Variants in ZFAT observed in about 807,000 individuals in gnomAD.
ZFAT encodes zinc finger protein ZFAT.
A neutral mutation model predicts 117.7 loss-of-function variants in ZFAT; 64 were observed. The ratio of observed to expected loss-of-function variants is 0.54; its 90% CI spans 0.44 to 0.67. The LOEUF (loss-of-function observed/expected upper bound fraction) is 0.67, where lower values mean the gene tolerates loss of function less well. Among genes scored for constraint, ZFAT ranks in the 30% least tolerant of loss-of-function variants. ZFAT has a pLI of 0.00. For synonymous variants in ZFAT, 679 were observed against 615.0 expected (o/e 1.10, Z -1.54); for missense variants, 1,433 against 1,584.5 (o/e 0.90, Z 1.62).
chr8:134,544,421 GA>G (rs1475851111), intron 11 of ZFAT, among the ~76,000 whole-genome samples: 3 of 147,648 alleles, frequency 2.0e-5, no homozygotes, highest in Non-Finnish European at 4.5e-5. Flanking sequence ...AACAACAAAA[GA>G]AAAAAACTAA....
At chr8:134,651,214 T>C (rs578007209) in intron 2 of ZFAT, among the ~76,000 whole-genome samples, 1 of 152,246 alleles carries the variant, frequency 6.6e-6, no homozygotes, top group Admixed American at 6.5e-5. Flanking sequence ...CAAATATTCA[T>C]GTGAAAACTT....
At chr8:134,517,510 A>T (rs1359215645) in intron 13 of ZFAT, among the ~76,000 whole-genome samples, 5 of 152,130 alleles carry the variant, frequency 3.3e-5, no homozygotes, top group Admixed American at 1.3e-4. Context: ...GAGACCCTTT[A>T]CCCAGCCTCC....
rs1554643710 is a variant in ZFAT at position 134,550,325 on chromosome 8, A to AAAAAAAACAAC, written c.2976+15007_2976+15008insGTTGTTTTTTT. ...GGTCACAACGGAAAAAAAAAAAAAA[A>AAAAAAAACAAC]AAAAAAACAGCACAGGGTAAAGATC... is the stretch of plus-strand genomic sequence containing the variant. On this transcript the variant is annotated intron_variant, in intron 11 of 15. Coordinates refer to ENST00000377838, the MANE Select transcript of ZFAT (RefSeq NM_020863.4). Among the ~76,000 whole-genome samples the AAAAAAAACAAC allele has an allele frequency of 6.8e-3, 1,022 of 150,536 alleles. 15 individuals carry two copies. Among genetic ancestry groups the AAAAAAAACAAC allele is most frequent in the African/African-American group, 0.024 (987 of 40,404 alleles).
At chr8:134,821,413 A>G in the ZFAT span, among the ~76,000 whole-genome samples, 1 of 152,196 alleles carries the variant, frequency 6.6e-6, no homozygotes, top group East Asian at 1.9e-4. Context: ...GTATTCAGCA[A>G]TGGTCAGACC....
intron 2 of ZFAT, among the ~76,000 whole-genome samples, chr8:134,641,044 C>T (rs901156935): frequency 3.3e-5 from 5 of 152,166 alleles, no homozygotes; most frequent in Non-Finnish European, 5.9e-5. Context: ...AGCAACCTCA[C>T]CACCCAGATG....
At chr8:134,750,524 T>C in the ZFAT span, among the ~76,000 whole-genome samples, 2 of 152,168 alleles carry the variant, frequency 1.3e-5, no homozygotes, top group Non-Finnish European at 2.9e-5. Context: ...CAAATTGAAA[T>C]ATTTTTTTTA....
intron 10 of ZFAT, among the ~76,000 whole-genome samples, chr8:134,576,799 C>T (rs1184853040): frequency 6.6e-6 from 1 of 152,194 alleles, no homozygotes; most frequent in African/African-American, 2.4e-5. Context: ...AACCTAATTT[C>T]CATACTCAAC....
chr8:134,672,589 T>C (rs1033860863), intron 1 of ZFAT, among the ~76,000 whole-genome samples: 1 of 151,878 alleles, frequency 6.6e-6, no homozygotes, highest in Non-Finnish European at 1.5e-5. Flanking sequence ...CCAAGACACA[T>C]CATAATCAAA....
At chr8:134,642,339 A>T (rs1013355839) in intron 2 of ZFAT, among the ~76,000 whole-genome samples, 3 of 152,208 alleles carry the variant, frequency 2.0e-5, no homozygotes, top group Admixed American at 6.5e-5. Flanking sequence ...CCTGGGTTCA[A>T]ATCTCCCCTG....
intron 15 of ZFAT, among the ~76,000 whole-genome samples, chr8:134,481,160 G>T (rs1817277442): frequency 6.6e-6 from 1 of 152,152 alleles, no homozygotes; most frequent in South Asian, 2.1e-4. Context: ...CATGAACCAG[G>T]ATTTTAGAAG....
intron 12 of ZFAT, among the ~76,000 whole-genome samples, chr8:134,530,603 T>A (rs1348499076): frequency 6.6e-6 from 1 of 152,190 alleles, no homozygotes; most frequent in Non-Finnish European, 1.5e-5. Context: ...AACATGTCCC[T>A]TGAAGGGAAT....
chr8:134,632,848 A>G (rs190633056), intron 3 of ZFAT, among the ~76,000 whole-genome samples: 3 of 152,274 alleles, frequency 2.0e-5, no homozygotes, highest in Non-Finnish European at 4.4e-5. Context: ...CAATCACACA[A>G]AAAAACACAA....
intron 10 of ZFAT, among the ~76,000 whole-genome samples, chr8:134,573,425 A>T (rs933267555): frequency 6.6e-6 from 1 of 152,190 alleles, no homozygotes; most frequent in Non-Finnish European, 1.5e-5. Flanking sequence ...TGAAGACTGT[A>T]TGGCAGTTTG....
the ZFAT span, chr8:134,800,617 G>T: frequency 6.4e-5 from 32 of 502,008 alleles, no homozygotes; most frequent in African/African-American, 5.9e-4. Flanking sequence ...TTTAAAGCAG[G>T]ACTTAAACTC....
At chr8:134,794,307 T>C in the ZFAT span, 3 of 152,362 alleles carry the variant, frequency 2.0e-5, no homozygotes, top group Non-Finnish European at 2.9e-5. Flanking sequence ...TAAAACAAGT[T>C]TGCCACCTTT....
rs370570051 is a variant in ZFAT at position 134,583,698 on chromosome 8, C to T, written c.2887+134G>A. ...GGAGGAAGTCAGGCCTGGTCTTCAC[C>T]GCTCTTCCAGAAGCTCCTTCTAACG... On this transcript the variant is annotated intron_variant, in intron 10 of 15. Transcript: ENST00000377838. 3.3e-4 allele frequency: 361 copies of T among 1,099,982 alleles called. 1 individual carries two copies. Among genetic ancestry groups the T allele is most frequent in the South Asian group, 1.2e-3 (71 of 61,424 alleles). The allele number at this position is 1,099,982 out of a possible 1,614,324, so 68.1% of individuals were successfully genotyped here. A position where few individuals can be genotyped will look rare whatever the true frequency, so the allele number is the denominator to read the frequency against.
intron 12 of ZFAT, among the ~76,000 whole-genome samples, chr8:134,527,022 G>A (rs890064739): frequency 2.6e-5 from 4 of 152,068 alleles, no homozygotes; most frequent in African/African-American, 9.7e-5. Context: ...ATCTTGAGAG[G>A]GGGAGGTCAT....
At chr8:134,480,883 T>G (rs1295828657) in intron 15 of ZFAT, among the ~76,000 whole-genome samples, 1 of 152,008 alleles carries the variant, frequency 6.6e-6, no homozygotes, top group African/African-American at 2.4e-5. Flanking sequence ...TCTCCATGAG[T>G]GAGAAGGGCT....
rs1024976746 is a variant in ZFAT, at chr8:134,653,426, T to G, written c.196+4135A>C. 5.3e-3 allele frequency among the ~76,000 whole-genome samples: 730 copies of G among 137,128 alleles called. 4 individuals carry two copies. Among genetic ancestry groups the G allele is most frequent in the African/African-American group, 0.019 (704 of 37,062 alleles). 90.0% of individuals were successfully genotyped at this position (137,128 alleles called of 152,430 possible). A position where few individuals can be genotyped will look rare whatever the true frequency, so the allele number is the denominator to read the frequency against. On this transcript the variant is annotated intron_variant, in intron 2 of 15. Coordinates refer to ENST00000377838, the MANE Select transcript of ZFAT (RefSeq NM_020863.4). ...GCACAAGCCGTTTTATCTGTTTTTTTTTTTTTTTTTTTTTTTTTTTTAGAG... is the reference window on the plus strand; with the variant it reads ...GCACAAGCCGTTTTATCTGTTTTTTGTTTTTTTTTTTTTTTTTTTTTAGAG...
Sources: allele counts gnomAD v4.1 joint callset (sites outside exome capture counted in the v4.1 genomes callset), GRCh38; gene constraint gnomAD v4.1.1; transcripts MANE v1.5; gene names NCBI Gene and HGNC (gene_info 2026-07-23, HGNC 2026-07-21).